Variants in HPGDS observed in about 807,000 individuals in gnomAD.
The protein encoded by HPGDS is GST class-sigma.
A neutral mutation model predicts 23.1 loss-of-function variants in HPGDS; 26 were observed. The ratio of observed to expected loss-of-function variants is 1.13; its 90% CI spans 0.83 to 1.56. The LOEUF (loss-of-function observed/expected upper bound fraction) is 1.56, where lower values mean the gene tolerates loss of function less well. Ranked by LOEUF, HPGDS falls within the 40% of genes most tolerant of loss-of-function variation. The probability of loss-of-function intolerance (pLI) is 0.00; values close to 1 mark genes in which losing one functional copy is unlikely to be tolerated. For synonymous variants in HPGDS, 95 were observed against 77.9 expected, an observed-to-expected ratio of 1.22 and a Z score of -1.16; for missense variants, 268 against 236.4, an observed-to-expected ratio of 1.13 and a Z score of -0.88.
chr4:94,324,885 T>G (rs1198842977), intron 2 of HPGDS, among the ~76,000 whole-genome samples: 1 of 152,196 alleles, frequency 6.6e-6, no homozygotes, highest in African/African-American at 2.4e-5. Flanking sequence ...TTTCTCCCCA[T>G]CTTTGTTGTT....
At chr4:94,307,041 G>GA (rs997626969) in intron 4 of HPGDS, among the ~76,000 whole-genome samples, 3 of 151,122 alleles carry the variant, frequency 2.0e-5, no homozygotes, top group Non-Finnish European at 4.4e-5. Context: ...TTTCAGAGTG[G>GA]AAAAAAAATA....
intron 4 of HPGDS, among the ~76,000 whole-genome samples, 155 bp downstream of exon 4, chr4:94,308,479 A>T (rs989570362): frequency 3.9e-5 from 6 of 152,106 alleles, no homozygotes; most frequent in Non-Finnish European, 4.4e-5. Flanking sequence ...TACAATAGGG[A>T]ATTGCTGTAC....
rs377012692 is a variant in HPGDS, at chr4:94,317,859, A to G, written c.226+14T>C. 76 of 1,507,990 alleles carry G rather than the reference A, an allele frequency of 5.0e-5. No homozygotes were observed. The Middle Eastern group carries it at 8.5e-4, about 17-fold the overall frequency. 93.4% of individuals were successfully genotyped at this position (1,507,990 alleles called of 1,614,324 possible). A position where few individuals can be genotyped will look rare whatever the true frequency, so the allele number is the denominator to read the frequency against. On this transcript the variant is annotated intron_variant, in intron 3 of 5. Coordinates refer to ENST00000295256, the MANE Select transcript of HPGDS (RefSeq NM_014485.3). ...TTCAGTTATCAAAAATCTTAAGCAC[A>G]ATAAACATGTTACCTGTGTTTTTGG...
chr4:94,328,403 G>A (rs576046369), intron 2 of HPGDS, among the ~76,000 whole-genome samples: 13 of 152,170 alleles, frequency 8.5e-5, no homozygotes, highest in Non-Finnish European at 1.9e-4. Context: ...GTATAGCAAG[G>A]CAGCAAGCAT....
At chr4:94,317,254 G>A (rs1329013839) in intron 3 of HPGDS, among the ~76,000 whole-genome samples, 2 of 152,116 alleles carry the variant, frequency 1.3e-5, no homozygotes, top group African/African-American at 2.4e-5. Context: ...TGTGAGAATA[G>A]TTTGAGGGAA....
At chr4:94,299,687 G>A in intron 5 of HPGDS, 43 bp from the exon 6 acceptor site, 1 of 1,559,232 alleles carries the variant, frequency 6.4e-7, no homozygotes, top group Non-Finnish European at 8.8e-7. Context: ...CATAGAAAGT[G>A]TAGCTGTATC....
intron 3 of HPGDS, among the ~76,000 whole-genome samples, chr4:94,311,974 C>T (rs1188414701): frequency 1.3e-5 from 2 of 151,960 alleles, no homozygotes; most frequent in Admixed American, 1.3e-4. Flanking sequence ...TCTGTGGGAT[C>T]TGTGGTTATA....
chr4:94,311,641 T>A (rs1018094085), intron 3 of HPGDS, among the ~76,000 whole-genome samples: 3 of 151,492 alleles, frequency 2.0e-5, no homozygotes, highest in Non-Finnish European at 4.4e-5. Context: ...ATCAGGATGA[T>A]GCTGGCCTCA....
chr4:94,340,311 C>CTTTTTCTTTTTTTTTTTTTT (rs1560598005), intron 1 of HPGDS, among the ~76,000 whole-genome samples: 1 of 23,678 alleles, frequency 4.2e-5, no homozygotes, highest in African/African-American at 1.5e-4. Flanking sequence ...CTTTCTTTCT[C>CTTTTTCTTTTTTTTTTTTTT]TTTTTTTTTT....
intron 3 of HPGDS, among the ~76,000 whole-genome samples, chr4:94,312,897 T>C (rs1756306818): frequency 6.6e-6 from 1 of 152,224 alleles, no homozygotes; most frequent in African/African-American, 2.4e-5. Context: ...GTAATGGCCT[T>C]CTTTGTCTCT....
chr4:94,308,591 T>C (rs374054236), intron 4 of HPGDS, 43 bp downstream of exon 4: 22 of 957,454 alleles, frequency 2.3e-5, no homozygotes, highest in Admixed American at 1.4e-4. Context: ...GTCTGGCAGG[T>C]GGTATATAAT....
intron 4 of HPGDS, among the ~76,000 whole-genome samples, chr4:94,304,500 GAATAT>G (rs140293041): frequency 1.5e-3 from 235 of 152,118 alleles, no homozygotes; most frequent in African/African-American, 5.3e-3. Flanking sequence ...TATATGACAA[GAATAT>G]ATTCACTATC....
rs893333985 is a variant in HPGDS at position 94,337,167 on chromosome 4, T to C, written c.-9-2529A>G. On this transcript the variant is annotated intron_variant, in intron 1 of 5. Transcript: ENST00000295256. Reference sequence around the variant, plus strand: ...TCTAGTAGAGATGGGGTTTCACTTATGTTGGCCAGACTGGTCTCAGATTGG... The same window carrying C: ...TCTAGTAGAGATGGGGTTTCACTTACGTTGGCCAGACTGGTCTCAGATTGG... Among the ~76,000 whole-genome samples, 3 of 152,182 alleles carry C rather than the reference T, an allele frequency of 2.0e-5. No homozygotes were observed. The East Asian group carries it at 5.9e-4, about 30-fold the overall frequency.
Position 94,324,295 on chromosome 4 carries a change from G to T in HPGDS, c.134-6330C>A, listed in dbSNP as rs1051776738. On this transcript the variant is annotated intron_variant, in intron 2 of 5. Coordinates refer to ENST00000295256, the MANE Select transcript of HPGDS (RefSeq NM_014485.3). ...GGTGTTCTCTGTATTTCCTGAATTT[G>T]CATGTTGGCCTGTCTTGCTAGGTTG... Among the ~76,000 whole-genome samples the T allele has an allele frequency of 4.6e-5, 7 of 152,094 alleles. 1 individual carries two copies. Among genetic ancestry groups the T allele is most frequent in the African/African-American group, 9.7e-5 (4 of 41,390 alleles).
chr4:94,334,779 T>C (rs552931087), intron 1 of HPGDS, 141 bp from the exon 2 acceptor site: 2 of 637,584 alleles, frequency 3.1e-6, no homozygotes, highest in African/African-American at 3.7e-5. Context: ...ACCAAAATTA[T>C]AAATCACTAT....
intron 4 of HPGDS, among the ~76,000 whole-genome samples, chr4:94,302,830 A>G (rs533433629): frequency 4.7e-4 from 71 of 152,200 alleles, no homozygotes; most frequent in African/African-American, 1.7e-3. Context: ...CCCTCTTGAT[A>G]TATAAACAAA....
chr4:94,321,666 G>A (rs570183771), intron 2 of HPGDS, among the ~76,000 whole-genome samples: 1 of 152,312 alleles, frequency 6.6e-6, no homozygotes, highest in South Asian at 2.1e-4. Context: ...ATTTTGGGCT[G>A]AGATGATGGG....
chr4:94,313,239 T>C (rs1186337436), intron 3 of HPGDS, among the ~76,000 whole-genome samples: 1 of 152,214 alleles, frequency 6.6e-6, no homozygotes, highest in Non-Finnish European at 1.5e-5. Flanking sequence ...GCTTGGGTGG[T>C]CTTTACAATT....
chr4:94,340,311 C>CTTTCTTTCTTTTTCTTTTTTTTTT, intron 1 of HPGDS, among the ~76,000 whole-genome samples: 1 of 23,678 alleles, frequency 4.2e-5, no homozygotes, highest in Non-Finnish European at 8.7e-5. Flanking sequence ...CTTTCTTTCT[C>CTTTCTTTCTTTTTCTTTTTTTTTT]TTTTTTTTTT....
Sources: gnomAD v4.1 joint callset for allele counts (sites outside exome capture counted in the v4.1 genomes callset) on GRCh38, gnomAD v4.1.1 for gene constraint, MANE v1.5 for transcripts, NCBI Gene and HGNC (gene_info 2026-07-23, HGNC 2026-07-21) for gene names.